The following IFT46 variants were observed in gnomAD, a reference collection of about 807,000 sequenced individuals.
IFT46 encodes intraflagellar transport protein 46 homolog.
IFT46 carries 19 observed loss-of-function variants against 39.6 expected under a neutral mutation model. The ratio of observed to expected loss-of-function variants is 0.48; its 90% CI spans 0.33 to 0.70. The LOEUF (loss-of-function observed/expected upper bound fraction) is 0.70. Ranked by LOEUF, IFT46 falls within the 30% of genes least tolerant of loss-of-function variation. The pLI, the probability that IFT46 is intolerant of heterozygous loss-of-function variation, is 0.01. For missense variants in IFT46, 334 were observed against 364.8 expected (o/e 0.92, Z 0.69); for synonymous variants, 117 against 134.8 (o/e 0.87, Z 0.91).
intron 8 of IFT46, 126 bp downstream of exon 8, chr11:118,552,088 A>G (rs1555068593): frequency 2.5e-6 from 3 of 1,198,002 alleles, no homozygotes; most frequent in Non-Finnish European, 3.6e-6. Context: ...AGTAGTTGCC[A>G]GGATCCACAG....
At chr11:118,545,125 C>G (rs1270619495) in intron 11 of IFT46, 114 bp from the exon 12 acceptor site, 1 of 834,592 alleles carries the variant, frequency 1.2e-6, no homozygotes, top group Non-Finnish European at 1.9e-6. Context: ...TGCTTCCATT[C>G]ATGAGGGAAC....
At chr11:118,562,989 C>T (rs899573439) in intron 2 of IFT46, among the ~76,000 whole-genome samples, 3 of 151,612 alleles carry the variant, frequency 2.0e-5, no homozygotes, top group East Asian at 1.9e-4. Context: ...CGCTTGAACC[C>T]GGGAGGCGTA....
chr11:118,546,273 A>G (rs577759024), intron 9 of IFT46: 2 of 669,522 alleles, frequency 3.0e-6, no homozygotes, highest in Non-Finnish European at 5.5e-6. Context: ...TGAGGTGGGC[A>G]GATCGCCTGA....
chr11:118,551,350 G>A lies in IFT46; in HGVS notation c.672+436C>T, dbSNP rs563557996. Among the ~76,000 whole-genome samples the A allele has an allele frequency of 2.1e-3, 325 of 151,924 alleles. 17 individuals carry two copies. The South Asian group carries it at 0.052, about 24-fold the overall frequency. On this transcript the variant is annotated intron_variant, in intron 9 of 11. Coordinates refer to ENST00000264021, the MANE Select transcript of IFT46 (RefSeq NM_001168618.2). ...ATCATGCCACTGCACTCCAGCCTGGGCGACAGAGAGAGACTCCATCTCAAC... is the reference window on the plus strand; with the variant it reads ...ATCATGCCACTGCACTCCAGCCTGGACGACAGAGAGAGACTCCATCTCAAC...
chr11:118,557,580 A>T, intron 3 of IFT46: 1 of 837,116 alleles, frequency 1.2e-6, no homozygotes, highest in Non-Finnish European at 1.9e-6. Context: ...CAGCAGTCCC[A>T]GGGACTATGG....
chr11:118,574,112 AC>A, upstream of IFT46, among the ~76,000 whole-genome samples: 1 of 152,216 alleles, frequency 6.6e-6, no homozygotes, highest in Non-Finnish European at 1.5e-5. Flanking sequence ...ATAAAATATA[AC>A]TTTTGCATGC....
At chr11:118,562,801 C>T (rs1938103051) in intron 2 of IFT46, among the ~76,000 whole-genome samples, 1 of 152,206 alleles carries the variant, frequency 6.6e-6, no homozygotes, top group Non-Finnish European at 1.5e-5. Context: ...TGCGGTGGCT[C>T]ACGCCTGTAA....
Position 118,556,876 on chromosome 11 carries a change from G to C in IFT46, c.185+30C>G, listed in dbSNP as rs781974407. 10 of 1,514,396 alleles carry C rather than the reference G, an allele frequency of 6.6e-6. No homozygotes were observed. The South Asian group carries it at 1.3e-4, about 19-fold the overall frequency. 93.8% of individuals were successfully genotyped at this position (1,514,396 alleles called of 1,614,324 possible). The stretch of plus-strand genomic sequence containing the variant: ...TGTTTTGAAGGAGGTATTCTGAAGA[G>C]CACCCTTGGCTTGGGTGTTCTTTCC... On this transcript the variant is annotated intron_variant, in intron 4 of 11. Transcript: ENST00000264021.
upstream of IFT46, among the ~76,000 whole-genome samples, chr11:118,574,314 A>G (rs1178531242): frequency 1.3e-5 from 2 of 152,158 alleles, no homozygotes; most frequent in African/African-American, 2.4e-5. Flanking sequence ...CTCCTTTACA[A>G]ACAGATCCCT....
At chr11:118,555,603 A>G in intron 4 of IFT46, 1 of 305,242 alleles carries the variant, frequency 3.3e-6, no homozygotes, top group African/African-American at 2.2e-5. Flanking sequence ...TTTTTTAATG[A>G]AAGGATGACA....
chr11:118,559,922 T>C, intron 2 of IFT46, 58 bp from the exon 3 acceptor site: 1 of 1,010,898 alleles, frequency 9.9e-7, no homozygotes, highest in Non-Finnish European at 1.5e-6. Context: ...AAAACAAGTA[T>C]TTTTTAGTTT....
intron 9 of IFT46, among the ~76,000 whole-genome samples, chr11:118,549,526 C>CTT (rs201176415): frequency 8.0e-5 from 11 of 137,726 alleles, no homozygotes; most frequent in African/African-American, 1.3e-4. Context: ...TCCATTATGA[C>CTT]TTTTTTTTTT....
At chr11:118,574,410 A>C (rs1419299464), upstream of IFT46, among the ~76,000 whole-genome samples, 4 of 152,164 alleles carry the variant, frequency 2.6e-5, no homozygotes, top group Admixed American at 6.5e-5. Flanking sequence ...TCAACATTTC[A>C]TTATGAAATT....
chr11:118,560,743 GA>G (rs1555070445), intron 2 of IFT46: 1 of 678,466 alleles, frequency 1.5e-6, no homozygotes, highest in Non-Finnish European at 2.7e-6. Flanking sequence ...GATACCAAGT[GA>G]AATTTAGAAG....
intron 10 of IFT46, 131 bp from the exon 11 acceptor site, chr11:118,545,625 G>T: frequency 1.9e-6 from 2 of 1,056,368 alleles, no homozygotes; most frequent in African/African-American, 1.6e-5. Context: ...TACCCAGCAG[G>T]TAGTCACATA....
intron 2 of IFT46, among the ~76,000 whole-genome samples, chr11:118,562,276 CAA>C (rs1163895735): frequency 2.9e-5 from 4 of 138,034 alleles, no homozygotes; most frequent in Non-Finnish European, 3.2e-5. Flanking sequence ...GACTCCATCT[CAA>C]AAAAAAAAAA....
Position 118,559,240 on chromosome 11 carries a change from T to C in IFT46, c.45+545A>G, listed in dbSNP as rs557455584. Among the ~76,000 whole-genome samples, 8 of 152,162 alleles carry C rather than the reference T, an allele frequency of 5.3e-5. No homozygotes were observed. The East Asian group carries it at 1.6e-3, about 30-fold the overall frequency. On this transcript the variant is annotated intron_variant, in intron 3 of 11. Coordinates refer to ENST00000264021, the MANE Select transcript of IFT46 (RefSeq NM_001168618.2). ...TATGTTTCTAGAGAGGTGGGCCTCT[T>C]GCCATGTTTCTTTCAGAAGCAGGGT...
chr11:118,563,646 G>A (rs1938135181), intron 2 of IFT46, among the ~76,000 whole-genome samples: 1 of 152,066 alleles, frequency 6.6e-6, no homozygotes, highest in African/African-American at 2.4e-5. Flanking sequence ...ACACACGACA[G>A]CAACACAGCC....
At chr11:118,564,144 G>A (rs764467525) in intron 2 of IFT46, among the ~76,000 whole-genome samples, 3 of 130,810 alleles carry the variant, frequency 2.3e-5, no homozygotes, top group African/African-American at 5.9e-5. Context: ...AGCCAAGATC[G>A]CACCACTGCA....
Sources: gnomAD v4.1 joint callset for allele counts (sites outside exome capture counted in the v4.1 genomes callset) on GRCh38, gnomAD v4.1.1 for gene constraint, MANE v1.5 for transcripts, NCBI Gene and HGNC (gene_info 2026-07-23, HGNC 2026-07-21) for gene names.